KRCC1: variants seen among roughly 807,000 people sequenced by gnomAD.
KRCC1 encodes lysine-rich coiled-coil protein 1.
In KRCC1, 3 loss-of-function variants were observed where a neutral mutation model predicts 7.4. The ratio of observed to expected loss-of-function variants is 0.40; its 90% CI spans 0.18 to 1.04. KRCC1 has a LOEUF of 1.04. Among genes scored for constraint, KRCC1 ranks in the 50% least tolerant of loss-of-function variants. The pLI, the probability that KRCC1 is intolerant of heterozygous loss-of-function variation, is 0.33. For missense variants in KRCC1, 277 were observed against 300.9 expected (o/e 0.92, Z 0.59); for synonymous variants, 102 against 101.6 (o/e 1.00, Z -0.02).
At chr2:88,043,433 G>A (rs1338156871) in intron 1 of KRCC1, among the ~76,000 whole-genome samples, 1 of 151,986 alleles carries the variant, frequency 6.6e-6, no homozygotes, top group Non-Finnish European at 1.5e-5. Context: ...GAAACCTCAG[G>A]GAATCTCATT....
chr2:88,050,482 G>A (rs906975411), intron 1 of KRCC1, among the ~76,000 whole-genome samples: 4 of 152,178 alleles, frequency 2.6e-5, no homozygotes, highest in African/African-American at 9.7e-5. Context: ...AATTAGCTGG[G>A]CATGGTGGTG....
chr2:88,044,717 GAGATACCACTACAC>G (rs1673293041), intron 1 of KRCC1, among the ~76,000 whole-genome samples: 1 of 151,992 alleles, frequency 6.6e-6, no homozygotes, highest in Non-Finnish European at 1.5e-5. Flanking sequence ...AAAAATAAAT[GAGATACCACTACAC>G]TCTCACTAGA....
Position 88,027,396 on chromosome 2 carries a change from A to G in KRCC1, c.*388T>C. On this transcript the variant is annotated 3_prime_UTR_variant, in exon 4 of 4. Transcript: ENST00000347055. ...AAAAATTGCTTCACAGAGAAAAACC[A>G]ATGAACATAAAATACCCAACTCAAA... 6.1e-6 allele frequency: 1 copy of G among 163,110 alleles called. No individual in the cohort carries two copies. 10.1% of individuals were successfully genotyped at this position (163,110 alleles called of 1,614,324 possible).
intron 1 of KRCC1, among the ~76,000 whole-genome samples, chr2:88,047,718 C>T (rs982123821): frequency 3.3e-5 from 5 of 151,998 alleles, no homozygotes; most frequent in Middle Eastern, 3.4e-3. Context: ...TTAGTAGAAC[C>T]GGGGTTTCAC....
At chr2:88,044,918 G>T (rs1673297539) in intron 1 of KRCC1, among the ~76,000 whole-genome samples, 2 of 146,696 alleles carry the variant, frequency 1.4e-5, no homozygotes, top group Admixed American at 1.4e-4. Flanking sequence ...GAGTGCAGTG[G>T]CATGATCATA....
chr2:88,040,283 C>A (rs1212695387), intron 1 of KRCC1, among the ~76,000 whole-genome samples: 1 of 152,218 alleles, frequency 6.6e-6, no homozygotes, highest in Non-Finnish European at 1.5e-5. Context: ...CTCAAAATCT[C>A]AGCCATTTTC....
At chr2:88,053,993 C>A (rs1052320151) in intron 1 of KRCC1, among the ~76,000 whole-genome samples, 4 of 152,156 alleles carry the variant, frequency 2.6e-5, no homozygotes, top group African/African-American at 9.7e-5. Flanking sequence ...TTACTTAGGT[C>A]TTCTGCAGTG....
chr2:88,027,823 C>T lies in KRCC1; in HGVS notation c.741G>A (p.Glu247=). 1 of 1,603,678 alleles carries T rather than the reference C, an allele frequency of 6.2e-7. No individual in the cohort carries two copies. The highest frequency in any genetic ancestry group is 8.5e-7 in the Non-Finnish European group (1 of 1,177,696). The change falls in exon 4 of 4, where the codon GAG becomes GAA. Residue 247 remains glutamate (E), a synonymous_variant. Transcript: ENST00000347055. ...KKKEQGQERT[E]EEMLWDQSIL... Reference sequence around the variant, plus strand: ...TAGACTGGTCCCAAAGCATTTCCTCCTCTGTCCTTTCTTGGCCTTGTTCCT... The same window carrying T: ...TAGACTGGTCCCAAAGCATTTCCTCTTCTGTCCTTTCTTGGCCTTGTTCCT...
intron 1 of KRCC1, among the ~76,000 whole-genome samples, chr2:88,041,882 T>A (rs1367093156): frequency 1.3e-5 from 2 of 152,280 alleles, no homozygotes; most frequent in East Asian, 3.9e-4. Flanking sequence ...AGTTATTTTT[T>A]AAATAGTCAT....
At chr2:88,037,656 G>A (rs897123215) in intron 1 of KRCC1, among the ~76,000 whole-genome samples, 2 of 152,102 alleles carry the variant, frequency 1.3e-5, no homozygotes, top group East Asian at 1.9e-4. Context: ...TGATCCACCC[G>A]CCTTGGCCTC....
chr2:88,045,995 A>G (rs1268170999), intron 1 of KRCC1, among the ~76,000 whole-genome samples: 2 of 152,150 alleles, frequency 1.3e-5, no homozygotes, highest in East Asian at 3.9e-4. Context: ...TGTACATGTT[A>G]TATGTGTGGA....
At chr2:88,041,581 G>C (rs6735706) in intron 1 of KRCC1, among the ~76,000 whole-genome samples, 133,002 of 152,162 alleles carry the variant, frequency 0.87, 58,620 homozygotes, top group Non-Finnish European at 0.93. Flanking sequence ...TTGGGTCCCT[G>C]AACTAATTGT....
chr2:88,042,799 CTA>C (rs1221910806), intron 1 of KRCC1, among the ~76,000 whole-genome samples: 5 of 152,236 alleles, frequency 3.3e-5, no homozygotes, highest in Admixed American at 2.6e-4. Context: ...TGCATTCAGT[CTA>C]TGACTTCATT....
intron 2 of KRCC1, among the ~76,000 whole-genome samples, chr2:88,036,711 A>G (rs1673097910): frequency 6.6e-6 from 1 of 152,200 alleles, no homozygotes; most frequent in African/African-American, 2.4e-5. Flanking sequence ...TTTCTGGATA[A>G]GGTAGAAGAC....
chr2:88,047,271 C>G (rs921075092), intron 1 of KRCC1, among the ~76,000 whole-genome samples: 1 of 151,956 alleles, frequency 6.6e-6, no homozygotes, highest in Non-Finnish European at 1.5e-5. Context: ...ATTTAAAGAA[C>G]AGGGCCTTGC....
chr2:88,042,710 G>A (rs1283796887), intron 1 of KRCC1, among the ~76,000 whole-genome samples: 2 of 152,072 alleles, frequency 1.3e-5, no homozygotes, highest in Non-Finnish European at 2.9e-5. Context: ...GTGAGCCACC[G>A]CAGCCACCTG....
chr2:88,046,753 C>T (rs1673343576), intron 1 of KRCC1, among the ~76,000 whole-genome samples: 1 of 152,226 alleles, frequency 6.6e-6, no homozygotes, highest in Non-Finnish European at 1.5e-5. Context: ...TCACAGCAGC[C>T]TCAACCTCCC....
intron 1 of KRCC1, among the ~76,000 whole-genome samples, chr2:88,046,922 C>A (rs1673349206): frequency 6.6e-6 from 1 of 152,188 alleles, no homozygotes; most frequent in Non-Finnish European, 1.5e-5. Context: ...AATCCACCTG[C>A]CTCAGCCTCC....
intron 1 of KRCC1, among the ~76,000 whole-genome samples, chr2:88,054,935 C>A (rs1481853643): frequency 6.6e-6 from 1 of 152,208 alleles, no homozygotes; most frequent in Non-Finnish European, 1.5e-5. Flanking sequence ...CGCCACTGCA[C>A]TCCAGCCTGG....
Sources: allele counts gnomAD v4.1 joint callset (sites outside exome capture counted in the v4.1 genomes callset), GRCh38; gene constraint gnomAD v4.1.1; transcripts MANE v1.5; gene names NCBI Gene and HGNC (gene_info 2026-07-23, HGNC 2026-07-21).